The following FNTB variants were observed in gnomAD, a reference collection of about 807,000 sequenced individuals.
FNTB encodes farnesyltransferase, CAAX box, subunit beta.
A neutral mutation model predicts 59.4 loss-of-function variants in FNTB; 27 were observed. The observed-to-expected ratio is 0.45, with a 90% CI of 0.34 to 0.63. The LOEUF (loss-of-function observed/expected upper bound fraction) is 0.63. Among genes scored for constraint, FNTB ranks in the 20% least tolerant of loss-of-function variants. The pLI is 0.02. For synonymous variants in FNTB, 230 were observed against 220.7 expected (o/e 1.04, Z -0.37); for missense variants, 449 against 559.6 (o/e 0.80, Z 1.99).
intron 11 of FNTB, among the ~76,000 whole-genome samples, chr14:65,060,697 C>CAAAAAAAAAAAA (rs59036615): frequency 6.2e-5 from 3 of 48,608 alleles, no homozygotes; most frequent in East Asian, 5.1e-4. Flanking sequence ...GACTCCGTCT[C>CAAAAAAAAAAAA]AAAAAAAAAA....
chr14:65,054,473 G>T lies in FNTB; in HGVS notation c.1068-102G>T. The T allele has an allele frequency of 1.7e-6, 2 of 1,175,982 alleles. No homozygotes were observed. Among genetic ancestry groups the T allele is most frequent in the Non-Finnish European group, 2.4e-6 (2 of 825,412 alleles). The allele number at this position is 1,175,982 out of a possible 1,614,324, so 72.8% of individuals were successfully genotyped here. A position where few individuals can be genotyped will look rare whatever the true frequency, so the allele number is the denominator to read the frequency against. On this transcript the variant is annotated intron_variant, in intron 10 of 11. Coordinates refer to ENST00000246166, the MANE Select transcript of FNTB (RefSeq NM_002028.4). The surrounding 1 kb of genome is among the most constrained non-coding windows in gnomAD (Gnocchi z 4.4). ...TCCTCTAGCCACATGGAGGATGGGG[G>T]GGGACGTGTGATTGCACCAGTGGTC...
At chr14:65,034,358 T>G (rs550438048) in intron 7 of FNTB, among the ~76,000 whole-genome samples, 3 of 152,340 alleles carry the variant, frequency 2.0e-5, no homozygotes, top group Admixed American at 6.5e-5. Context: ...AGTATTGTAC[T>G]CCAACAGATC....
rs2061616906 is a variant in FNTB, at chr14:65,007,724, T to C, written c.209+3411T>C. On this transcript the variant is annotated intron_variant, in intron 2 of 11. Coordinates refer to ENST00000246166, the MANE Select transcript of FNTB (RefSeq NM_002028.4). The surrounding 1 kb of genome is among the most constrained non-coding windows in gnomAD (Gnocchi z 4.9). ...CATTTTTTCTTCCCTGTGGGTATTGTCACGGTTTCACACCCTTTTGAATGT... is the reference window on the plus strand; with the variant it reads ...CATTTTTTCTTCCCTGTGGGTATTGCCACGGTTTCACACCCTTTTGAATGT... Among the ~76,000 whole-genome samples, 2 of 152,244 alleles carry C rather than the reference T, an allele frequency of 1.3e-5. No homozygotes were observed. The highest frequency in any genetic ancestry group is 4.8e-5 in the African/African-American group (2 of 41,470).
At chr14:65,026,931 T>A (rs1484647126) in intron 4 of FNTB, among the ~76,000 whole-genome samples, 1 of 151,974 alleles carries the variant, frequency 6.6e-6, no homozygotes, top group Non-Finnish European at 1.5e-5. Context: ...CACAGAGGCT[T>A]AGGTGGCAAT....
intron 8 of FNTB, among the ~76,000 whole-genome samples, chr14:65,041,358 A>C (rs1164641449): frequency 2.0e-5 from 3 of 152,214 alleles, no homozygotes. Context: ...GAGCTGGCTA[A>C]TTGCATTGAG....
In FNTB at chr14:65,061,377, C is replaced by T; in HGVS notation, c.*65C>T. 1 of 1,604,312 alleles carries T rather than the reference C, an allele frequency of 6.2e-7. No individual in the cohort carries two copies. Among genetic ancestry groups the T allele is most frequent in the Non-Finnish European group, 8.5e-7 (1 of 1,176,266 alleles). The stretch of plus-strand genomic sequence containing the variant: ...CCAGTCAGACAAGGTTTATACGTTT[C>T]AATACATACTGCATTCTGTGCTACA... On this transcript the variant is annotated 3_prime_UTR_variant, in exon 12 of 12. Transcript: ENST00000246166.
In FNTB at chr14:64,994,538, T is replaced by TA. The variant is rs1888324093; in HGVS notation, c.144+7442dup. Among the ~76,000 whole-genome samples the TA allele has an allele frequency of 6.6e-6, 1 of 152,226 alleles. No homozygotes were observed. The highest frequency in any genetic ancestry group is 6.5e-5 in the Admixed American group (1 of 15,288). ...CAGGCTACAAACCTACACAGTATGT[T>TA]ACTGTACTAAATACTGCAGGCAATT... On this transcript the variant is annotated intron_variant, in intron 1 of 11. Transcript: ENST00000246166. The surrounding 1 kb of genome is among the most constrained non-coding windows in gnomAD (Gnocchi z 4.2).
intron 9 of FNTB, among the ~76,000 whole-genome samples, chr14:65,046,309 A>G (rs916586737): frequency 1.3e-5 from 2 of 152,222 alleles, no homozygotes; most frequent in Non-Finnish European, 2.9e-5. Context: ...ACTTGGGGTC[A>G]TGGTGATCTC....
At chr14:64,996,144 AAAAG>A (rs1261574534) in intron 1 of FNTB, among the ~76,000 whole-genome samples, 2 of 150,510 alleles carry the variant, frequency 1.3e-5, no homozygotes, top group Non-Finnish European at 3.0e-5. Context: ...AAAAAAAGAA[AAAAG>A]AAAAGAAACA....
At chr14:65,056,757 G>C (rs1444387218) in intron 11 of FNTB, among the ~76,000 whole-genome samples, 2 of 152,174 alleles carry the variant, frequency 1.3e-5, no homozygotes, top group Non-Finnish European at 1.5e-5. Context: ...CATGTGTGTA[G>C]TGAATATCTT....
At chr14:65,034,955 T>G (rs753582967) in intron 7 of FNTB, among the ~76,000 whole-genome samples, 16 of 152,236 alleles carry the variant, frequency 1.1e-4, no homozygotes, top group Non-Finnish European at 1.5e-5. Flanking sequence ...GGCAGTCAAC[T>G]TGGTCAGACT....
At chr14:65,017,380 T>C (rs1436100235) in intron 4 of FNTB, among the ~76,000 whole-genome samples, 1 of 152,130 alleles carries the variant, frequency 6.6e-6, no homozygotes, top group African/African-American at 2.4e-5. Context: ...GGGATTTCTG[T>C]GAGCCTGGAT....
chr14:65,040,669 ATAGT>A (rs2062332005), intron 7 of FNTB, 117 bp from the exon 8 acceptor site: 1 of 1,158,592 alleles, frequency 8.6e-7, no homozygotes, highest in East Asian at 3.2e-5. Context: ...CTTTTCATTC[ATAGT>A]TGTGATGGTT....
chr14:65,037,721 A>G (rs1209456053), intron 7 of FNTB, among the ~76,000 whole-genome samples: 2 of 142,728 alleles, frequency 1.4e-5, no homozygotes, highest in African/African-American at 5.1e-5. Flanking sequence ...CACCATGCCC[A>G]GCCTCTTATT....
chr14:64,987,314 C>T (rs1047623448), intron 1 of FNTB: 3 of 600,978 alleles, frequency 5.0e-6, no homozygotes, highest in Non-Finnish European at 8.8e-6. Flanking sequence ...CAAGGTTGGG[C>T]TTGGAGGAGA....
At chr14:65,002,288 T>C (rs112501519) in intron 1 of FNTB, among the ~76,000 whole-genome samples, 15 of 152,196 alleles carry the variant, frequency 9.9e-5, no homozygotes, top group African/African-American at 3.4e-4. Context: ...TCCACAACCA[T>C]TGCCTGATGC....
intron 7 of FNTB, among the ~76,000 whole-genome samples, chr14:65,040,588 G>A (rs2062328933): frequency 6.7e-6 from 1 of 149,816 alleles, no homozygotes; most frequent in Non-Finnish European, 1.5e-5. Context: ...TTACACATGG[G>A]TGCCACCAGG....
intron 4 of FNTB, among the ~76,000 whole-genome samples, chr14:65,019,913 G>T (rs2061854227): frequency 6.6e-6 from 1 of 152,062 alleles, no homozygotes; most frequent in Non-Finnish European, 1.5e-5. Flanking sequence ...ATAGAATATT[G>T]CCTTTTTATT....
chr14:65,035,454 C>G (rs1255262636), intron 7 of FNTB, among the ~76,000 whole-genome samples: 2 of 152,174 alleles, frequency 1.3e-5, no homozygotes, highest in Non-Finnish European at 2.9e-5. Context: ...ATACGGAACT[C>G]AGACAGCCTG....
Sources: gnomAD v4.1 joint callset for allele counts (sites outside exome capture counted in the v4.1 genomes callset) on GRCh38, gnomAD v4.1.1 for gene constraint, Gnocchi (gnomAD v3.1) non-coding constraint, MANE v1.5 for transcripts, NCBI Gene and HGNC (gene_info 2026-07-23, HGNC 2026-07-21) for gene names.